RAB7A: variants seen among roughly 807,000 people sequenced by gnomAD.
RAB7A encodes the protein ras-related protein Rab-7a.
Under a neutral mutation model 24.5 loss-of-function variants are expected in RAB7A, and 2 were observed. The observed-to-expected ratio is 0.08, with a 90% CI of 0.03 to 0.26. RAB7A has a LOEUF of 0.26. Among genes scored for constraint, RAB7A ranks in the 10% least tolerant of loss-of-function variants. The pLI is 1.00. For missense variants in RAB7A, 118 were observed against 255.7 expected (o/e 0.46, Z 3.67); for synonymous variants, 100 against 95.9 (o/e 1.04, Z -0.25).
chr3:128,764,367 G>A (rs116203743), intron 1 of RAB7A: 29,865 of 635,904 alleles, frequency 0.047, 988 homozygotes, highest in Non-Finnish European at 0.059. Flanking sequence ...GGATGTTTTG[G>A]CACAACTTAT....
intron 1 of RAB7A, among the ~76,000 whole-genome samples, chr3:128,772,968 G>A (rs1166554620): frequency 6.6e-6 from 1 of 152,210 alleles, no homozygotes; most frequent in African/African-American, 2.4e-5. Context: ...CGCCTGCCTT[G>A]GCCTCCCAAA....
At chr3:128,805,446 C>T (rs895379489) in intron 3 of RAB7A, among the ~76,000 whole-genome samples, 4 of 152,146 alleles carry the variant, frequency 2.6e-5, no homozygotes, top group Non-Finnish European at 5.9e-5. Context: ...TAAGTATACC[C>T]AGCCTTGCTC....
chr3:128,758,381 T>G (rs555659646), intron 1 of RAB7A, among the ~76,000 whole-genome samples: 1 of 151,262 alleles, frequency 6.6e-6, no homozygotes, highest in Non-Finnish European at 1.5e-5. Context: ...CACGCCATTC[T>G]CCAGCGTCAG....
chr3:128,733,098 C>T (rs1359592656), intron 1 of RAB7A, among the ~76,000 whole-genome samples: 3 of 152,202 alleles, frequency 2.0e-5, no homozygotes, highest in African/African-American at 7.2e-5. Context: ...TTTATCATTT[C>T]TGTATTTTAG....
intron 1 of RAB7A, among the ~76,000 whole-genome samples, chr3:128,784,270 A>C (rs1216728534): frequency 6.6e-6 from 1 of 152,210 alleles, no homozygotes; most frequent in Non-Finnish European, 1.5e-5. Flanking sequence ...CCCTGATCTA[A>C]GAAATCCTCT....
At chr3:128,741,313 C>G (rs989319156) in intron 1 of RAB7A, among the ~76,000 whole-genome samples, 1 of 152,064 alleles carries the variant, frequency 6.6e-6, no homozygotes, top group Admixed American at 6.6e-5. Context: ...TCACATCTGT[C>G]AATTCATTTT....
chr3:128,810,887 C>T (rs1417374927), intron 5 of RAB7A, among the ~76,000 whole-genome samples: 1 of 152,116 alleles, frequency 6.6e-6, no homozygotes, highest in Admixed American at 6.5e-5. Flanking sequence ...AACCCCATCT[C>T]TACTAAAAAT....
At chr3:128,738,074 C>A (rs2070510343) in intron 1 of RAB7A, among the ~76,000 whole-genome samples, 2 of 151,898 alleles carry the variant, frequency 1.3e-5, no homozygotes, top group East Asian at 3.9e-4. Context: ...TCACTGTTGC[C>A]CAGGCTGGAG....
rs1933834705 is a variant in RAB7A at position 128,807,653 on chromosome 3, A to G, written c.510A>G (p.Ala170=). 1 of 1,614,210 alleles carries G rather than the reference A, an allele frequency of 6.2e-7. No homozygotes were observed. The highest frequency in any genetic ancestry group is 1.3e-5 in the African/African-American group (1 of 75,056). The change falls in exon 5 of 6, where the codon GCA becomes GCG. Residue 170 remains alanine, a synonymous_variant. Coordinates refer to ENST00000265062, the MANE Select transcript of RAB7A (RefSeq NM_004637.6). ...TGGAGCAGGCGTTCCAGACGATTGC[A>G]CGGAATGCACTTAAGCAGGTGGGTC... ...INVEQAFQTI[A]RNALKQETEV...
chr3:128,812,314 C>T (rs1933945092), intron 5 of RAB7A, among the ~76,000 whole-genome samples: 1 of 152,186 alleles, frequency 6.6e-6, no homozygotes, highest in Non-Finnish European at 1.5e-5. Context: ...GGGGTTTCAC[C>T]ATGTTCGCCA....
chr3:128,807,471 T>G, intron 4 of RAB7A, 72 bp from the exon 5 acceptor site: 2 of 1,608,398 alleles, frequency 1.2e-6, no homozygotes, highest in Non-Finnish European at 1.7e-6. Context: ...GCCATGACAC[T>G]TCCTGGGGAG....
chr3:128,765,138 C>T (rs748217010), intron 1 of RAB7A: 48 of 704,576 alleles, frequency 6.8e-5, no homozygotes, highest in Non-Finnish European at 9.2e-5. Flanking sequence ...GGCGGCCGGC[C>T]GGGGTGGGGG....
chr3:128,775,312 T>C (rs1191667352), intron 1 of RAB7A, among the ~76,000 whole-genome samples: 4 of 152,200 alleles, frequency 2.6e-5, no homozygotes, highest in African/African-American at 9.7e-5. Flanking sequence ...TTGAGCCCCA[T>C]TGTCTTGGTC....
chr3:128,756,010 A>G (rs1000313000), intron 1 of RAB7A, among the ~76,000 whole-genome samples: 5 of 152,220 alleles, frequency 3.3e-5, no homozygotes, highest in Admixed American at 1.3e-4. Flanking sequence ...GCAAAATTGC[A>G]GGTTACAGAA....
chr3:128,796,911 G>A (rs951441358), intron 2 of RAB7A, among the ~76,000 whole-genome samples: 2 of 152,014 alleles, frequency 1.3e-5, no homozygotes, highest in African/African-American at 2.4e-5. Context: ...CAGTCCACTC[G>A]TCTCGACCTC....
At chr3:128,733,645 T>G (rs1274382980) in intron 1 of RAB7A, among the ~76,000 whole-genome samples, 1 of 152,194 alleles carries the variant, frequency 6.6e-6, no homozygotes, top group African/African-American at 2.4e-5. Flanking sequence ...ACAGGATCTT[T>G]CCTCTGTATT....
At chr3:128,726,971 C>A (rs1483244284) in intron 1 of RAB7A, among the ~76,000 whole-genome samples, 3 of 152,202 alleles carry the variant, frequency 2.0e-5, no homozygotes, top group African/African-American at 7.2e-5. Flanking sequence ...AGGCATGTTA[C>A]GGTAAATCCT....
chr3:128,765,056 G>A (rs2070815942), intron 1 of RAB7A: 15 of 1,175,690 alleles, frequency 1.3e-5, no homozygotes, highest in Non-Finnish European at 1.7e-5. Context: ...TGGCTGCGCG[G>A]CGCTGGAGCG....
chr3:128,787,172 A>G (rs1933357945), intron 1 of RAB7A, among the ~76,000 whole-genome samples: 1 of 152,176 alleles, frequency 6.6e-6, no homozygotes, highest in Admixed American at 6.5e-5. Context: ...AGAAAAGCCA[A>G]CTGTGATTAG....
Sources: allele counts gnomAD v4.1 joint callset (sites outside exome capture counted in the v4.1 genomes callset), GRCh38; gene constraint gnomAD v4.1.1; transcripts MANE v1.5; gene names NCBI Gene and HGNC (gene_info 2026-07-23, HGNC 2026-07-21).